STRN3: variants seen among roughly 807,000 people sequenced by gnomAD.
STRN3 encodes striatin 3, also known as striatin-3.
In STRN3, 29 loss-of-function variants were observed where a neutral mutation model predicts 95.6. The ratio of observed to expected loss-of-function variants is 0.30; its 90% CI spans 0.23 to 0.41. The LOEUF is 0.41. STRN3 is among the 10% of genes least tolerant of loss of function. The probability of loss-of-function intolerance (pLI) is 1.00; values close to 1 mark genes in which losing one functional copy is unlikely to be tolerated. For missense variants in STRN3, 890 were observed against 972.1 expected (o/e 0.92, Z 1.12); for synonymous variants, 331 against 357.6 (o/e 0.93, Z 0.84).
Position 30,895,731 on chromosome 14 carries a change from T to C in STRN3, c.2155A>G (p.Met719Val), listed in dbSNP as rs1896126148. ...DNKTGKMIHS[M>V]VAHLDAVTSL... is the part of the protein sequence containing the mutation. ...GTAACAGCATCCAAGTGAGCTACCA[T>C]AGAATGGATCATTTTACCTAAACAA... The change falls in exon 17 of 18, where the codon ATG becomes GTG. Residue 719 changes from methionine to valine, a missense_variant. By Grantham distance (21) the Met-to-Val change is conservative (BLOSUM62 1). Coordinates refer to ENST00000357479, the MANE Select transcript of STRN3 (RefSeq NM_001083893.2). 6.2e-7 allele frequency: 1 copy of C among 1,613,210 alleles called. No homozygotes were observed. Among genetic ancestry groups the C allele is most frequent in the African/African-American group, 1.3e-5 (1 of 75,000 alleles).
intron 5 of STRN3, among the ~76,000 whole-genome samples, chr14:30,943,260 T>C (rs561285603): frequency 2.6e-5 from 4 of 152,332 alleles, no homozygotes; most frequent in South Asian, 2.1e-4. Context: ...AATGTTATTG[T>C]ATGCATTAAG....
chr14:30,904,438 A>T (rs1408115871), intron 15 of STRN3, among the ~76,000 whole-genome samples: 1 of 152,192 alleles, frequency 6.6e-6, no homozygotes, highest in African/African-American at 2.4e-5. Flanking sequence ...CACCCAAGAC[A>T]AACTGGTCAC....
chr14:31,020,772 A>G (rs1014783758), intron 1 of STRN3, among the ~76,000 whole-genome samples: 1 of 152,136 alleles, frequency 6.6e-6, no homozygotes, highest in African/African-American at 2.4e-5. Flanking sequence ...TTGGTGTGAT[A>G]GTCCATGTCT....
At chr14:30,976,565 G>A (rs1324984911) in intron 1 of STRN3, among the ~76,000 whole-genome samples, 1 of 152,154 alleles carries the variant, frequency 6.6e-6, no homozygotes, top group Non-Finnish European at 1.5e-5. Flanking sequence ...AAGAACAGCA[G>A]AACAACATTA....
At chr14:30,964,081 A>G (rs1880350285) in intron 1 of STRN3, among the ~76,000 whole-genome samples, 4 of 152,084 alleles carry the variant, frequency 2.6e-5, no homozygotes, top group African/African-American at 9.7e-5. Flanking sequence ...GCGAAACCCC[A>G]TCTCTCGTAA....
chr14:30,922,112 C>G (rs1191322250), intron 8 of STRN3, among the ~76,000 whole-genome samples: 4 of 152,142 alleles, frequency 2.6e-5, no homozygotes, highest in African/African-American at 9.7e-5. Flanking sequence ...TGGTCTTGAA[C>G]TCTTAGGCTC....
chr14:31,018,718 G>A (rs1423467262), intron 1 of STRN3: 24 of 458,632 alleles, frequency 5.2e-5, no homozygotes, highest in South Asian at 2.0e-4. Context: ...CAAAAAAAGC[G>A]TAAAATGCGA....
intron 1 of STRN3, among the ~76,000 whole-genome samples, chr14:31,021,118 T>C (rs1368934582): frequency 3.9e-5 from 6 of 152,116 alleles, no homozygotes. Flanking sequence ...TTAACTTTAA[T>C]GTGGCAAGGA....
At chr14:30,996,991 A>T (rs1882229863) in intron 1 of STRN3, among the ~76,000 whole-genome samples, 1 of 152,234 alleles carries the variant, frequency 6.6e-6, no homozygotes, top group Non-Finnish European at 1.5e-5. Context: ...AACTATTAAC[A>T]AGAGGCGAAA....
intron 16 of STRN3, among the ~76,000 whole-genome samples, chr14:30,897,823 T>C (rs982610906): frequency 5.3e-5 from 8 of 152,110 alleles, no homozygotes; most frequent in Admixed American, 4.6e-4. Flanking sequence ...TCAACATAAT[T>C]TATCTTCCAG....
intron 1 of STRN3, among the ~76,000 whole-genome samples, chr14:30,976,159 G>A (rs1453229306): frequency 6.6e-6 from 1 of 152,126 alleles, no homozygotes; most frequent in Non-Finnish European, 1.5e-5. Flanking sequence ...CAGACAGGTT[G>A]CCTACAATAA....
chr14:30,904,771 C>G (rs1479898800), intron 15 of STRN3, among the ~76,000 whole-genome samples: 2 of 151,644 alleles, frequency 1.3e-5, no homozygotes, highest in Non-Finnish European at 2.9e-5. Context: ...GTAAAGTTGC[C>G]AAGAACATTT....
intron 16 of STRN3, 95 bp downstream of exon 16, chr14:30,902,441 G>A (rs1414091422): frequency 5.1e-6 from 4 of 781,092 alleles, no homozygotes; most frequent in South Asian, 2.2e-5. Context: ...TGGCAATTTC[G>A]TATCTGAAAA....
At chr14:30,967,629 T>C (rs1054086898) in intron 1 of STRN3, among the ~76,000 whole-genome samples, 2 of 152,192 alleles carry the variant, frequency 1.3e-5, no homozygotes, top group Non-Finnish European at 2.9e-5. Context: ...CGGCAACTGC[T>C]TTGCTAACAG....
At chr14:30,935,483 T>C (rs1314400078) in intron 6 of STRN3, among the ~76,000 whole-genome samples, 179 bp from the exon 7 acceptor site, 1 of 152,254 alleles carries the variant, frequency 6.6e-6, no homozygotes, top group East Asian at 1.9e-4. Context: ...TCAACAGTGC[T>C]GTGCCAAGAT....
chr14:30,991,123 G>C (rs1881933381), intron 1 of STRN3, among the ~76,000 whole-genome samples: 1 of 152,162 alleles, frequency 6.6e-6, no homozygotes, highest in South Asian at 2.1e-4. Flanking sequence ...TTTATTTTCA[G>C]CTTGGTTTTG....
chr14:30,962,110 CTAGGCCTTACGTAGGCA>C (rs1293936099), intron 1 of STRN3, among the ~76,000 whole-genome samples: 4 of 152,072 alleles, frequency 2.6e-5, no homozygotes, highest in African/African-American at 9.7e-5. Flanking sequence ...CTAGGCCTTC[CTAGGCCTTACGTAGGCA>C]TAGGTTAATA....
chr14:30,949,680 T>G (rs1448657009), intron 4 of STRN3, among the ~76,000 whole-genome samples: 1 of 88,132 alleles, frequency 1.1e-5, no homozygotes, highest in Non-Finnish European at 3.0e-5. Context: ...ATAGACTCCG[T>G]TTCCAAAAAA....
chr14:31,020,498 T>TA (rs547694221), intron 1 of STRN3, among the ~76,000 whole-genome samples: 5,386 of 141,624 alleles, frequency 0.038, 310 homozygotes, highest in African/African-American at 0.13. Context: ...AAACTGTCTC[T>TA]AAAAAAAAAA....
Sources: allele counts gnomAD v4.1 joint callset (sites outside exome capture counted in the v4.1 genomes callset), GRCh38; gene constraint gnomAD v4.1.1; transcripts MANE v1.5; gene names NCBI Gene and HGNC (gene_info 2026-07-23, HGNC 2026-07-21).